Variants in RCOR1 observed in about 807,000 individuals in gnomAD.
RCOR1 encodes the protein REST corepressor 1, also known as REST corepressor.
RCOR1 carries 12 observed loss-of-function variants against 64.0 expected under a neutral mutation model. The observed-to-expected ratio is 0.19, with a 90% CI of 0.12 to 0.30. RCOR1 has a LOEUF of 0.30. RCOR1 is among the 10% of genes least tolerant of loss of function. The pLI is 1.00. For missense variants in RCOR1, 502 were observed against 621.2 expected (o/e 0.81, Z 2.04); for synonymous variants, 279 against 227.2 (o/e 1.23, Z -2.05).
At chr14:102,611,990 A>C (rs753211119) in intron 2 of RCOR1, among the ~76,000 whole-genome samples, 3 of 152,058 alleles carry the variant, frequency 2.0e-5, no homozygotes, top group African/African-American at 4.8e-5. Flanking sequence ...ATTGTTTTAG[A>C]GATAGGGTCT....
At chr14:102,634,988 G>C (rs1255539084) in intron 2 of RCOR1, among the ~76,000 whole-genome samples, 2 of 151,392 alleles carry the variant, frequency 1.3e-5, no homozygotes, top group Non-Finnish European at 2.9e-5. Context: ...GATTACAGGT[G>C]TGAGCCACCA....
chr14:102,702,020 T>A (rs1895766349), intron 4 of RCOR1, among the ~76,000 whole-genome samples: 2 of 152,236 alleles, frequency 1.3e-5, no homozygotes, highest in South Asian at 4.1e-4. Context: ...TCCACAAGAT[T>A]TATTTTTCTG....
At chr14:102,695,082 A>G (rs1280690622) in intron 3 of RCOR1, among the ~76,000 whole-genome samples, 2 of 152,224 alleles carry the variant, frequency 1.3e-5, no homozygotes, top group Admixed American at 6.5e-5. Flanking sequence ...GGGGGAGGGA[A>G]GGGTGAGTTA....
intron 2 of RCOR1, among the ~76,000 whole-genome samples, chr14:102,668,776 CAAAG>C (rs1894970459): frequency 6.6e-6 from 1 of 152,022 alleles, no homozygotes; most frequent in Non-Finnish European, 1.5e-5. Context: ...ATAAAATCCT[CAAAG>C]AAAAAATCTG....
At chr14:102,642,184 C>T (rs10450954) in intron 2 of RCOR1, among the ~76,000 whole-genome samples, 3,564 of 152,078 alleles carry the variant, frequency 0.023, 132 homozygotes, top group African/African-American at 0.077. Context: ...CTTTCAGTTT[C>T]TTACTCTAAT....
At position 102,705,316 on chromosome 14, in the gene RCOR1, G is replaced by A. The variant is rs899736779; in HGVS notation, c.499-2035G>A. ...TTTCACTGGCTGATTTCCGAATCACGTTCTAATTGCTTGGCCCTGCCATGT... is the reference window on the plus strand; with the variant it reads ...TTTCACTGGCTGATTTCCGAATCACATTCTAATTGCTTGGCCCTGCCATGT... On this transcript the variant is annotated intron_variant, in intron 4 of 11. Transcript: ENST00000262241. 5.9e-5 allele frequency among the ~76,000 whole-genome samples: 9 copies of A among 152,070 alleles called. 1 individual carries two copies. Among genetic ancestry groups the A allele is most frequent in the Non-Finnish European group, 1.5e-5 (1 of 68,030 alleles).
intron 2 of RCOR1, among the ~76,000 whole-genome samples, chr14:102,674,673 C>A (rs767158527): frequency 1.2e-4 from 19 of 152,124 alleles, no homozygotes; most frequent in Non-Finnish European, 1.0e-4. Flanking sequence ...TGTGAATAAA[C>A]CTTCTTTCTT....
rs1328960105 is a variant in RCOR1 at position 102,676,958 on chromosome 14, C to T, written c.362-4937C>T. Among the ~76,000 whole-genome samples, 6 of 107,952 alleles carry T rather than the reference C, an allele frequency of 5.6e-5. No individual in the cohort carries two copies. In the East Asian group the frequency reaches 1.6e-3, roughly 29 times the overall value. The allele number at this position is 107,952 out of a possible 152,430, so 70.8% of individuals were successfully genotyped here. A position where few individuals can be genotyped will look rare whatever the true frequency, so the allele number is the denominator to read the frequency against. On this transcript the variant is annotated intron_variant, in intron 2 of 11. Transcript: ENST00000262241. ...GGCGGCTGGCCGGGCAGAGGGGCTC[C>T]TCACTTCCCAGTAGGGGCGGCCGGG... is the stretch of plus-strand genomic sequence containing the variant.
At chr14:102,700,322 A>G (rs949216841) in intron 3 of RCOR1, among the ~76,000 whole-genome samples, 4 of 152,052 alleles carry the variant, frequency 2.6e-5, no homozygotes, top group African/African-American at 9.7e-5. Context: ...CCCGGGTTCA[A>G]GCGATTCTCC....
Position 102,689,077 on chromosome 14 carries a change from A to G in RCOR1, c.445+7099A>G, listed in dbSNP as rs112240239. ...TGTGCTTACGTGTAGACCTACCTCA[A>G]GTTTGGACTTCGTTTGTTTAGAGAA... is the stretch of plus-strand genomic sequence containing the variant. On this transcript the variant is annotated intron_variant, in intron 3 of 11. Coordinates refer to ENST00000262241, the MANE Select transcript of RCOR1 (RefSeq NM_015156.4). Among the ~76,000 whole-genome samples, 1,015 of 152,218 alleles carry G rather than the reference A, an allele frequency of 6.7e-3. 13 individuals are homozygous for G. The highest frequency in any genetic ancestry group is 0.024 in the African/African-American group (979 of 41,516).
intron 4 of RCOR1, among the ~76,000 whole-genome samples, chr14:102,704,114 G>A (rs1410188028): frequency 1.3e-5 from 2 of 152,148 alleles, no homozygotes; most frequent in Non-Finnish European, 2.9e-5. Context: ...CTTTTGCCAG[G>A]GCTTGTTTAC....
intron 2 of RCOR1, among the ~76,000 whole-genome samples, chr14:102,594,690 C>T (rs1282747797): frequency 2.7e-5 from 4 of 148,716 alleles, no homozygotes; most frequent in Admixed American, 2.7e-4. Flanking sequence ...AGTCACTTCT[C>T]GTTTATGAGT....
In RCOR1 at chr14:102,699,143, C is replaced by T. The variant is rs548203339; in HGVS notation, c.446-2135C>T. Among the ~76,000 whole-genome samples the T allele has an allele frequency of 4.6e-5, 7 of 152,310 alleles. No individual in the cohort carries two copies. The East Asian group carries it at 5.8e-4, about 13-fold the overall frequency. On this transcript the variant is annotated intron_variant, in intron 3 of 11. Transcript: ENST00000262241. ...TTCGTGATCCACCTGCTTTAGCCTC[C>T]GGAAATGCTGGGATTACAGGCGTGA...
intron 3 of RCOR1, among the ~76,000 whole-genome samples, chr14:102,693,262 T>A (rs1264273403): frequency 6.6e-6 from 1 of 152,224 alleles, no homozygotes. Context: ...TTTGTATGAC[T>A]ATTTCTCTCT....
intron 2 of RCOR1, among the ~76,000 whole-genome samples, chr14:102,660,515 A>G (rs543534515): frequency 1.4e-4 from 21 of 152,126 alleles, no homozygotes; most frequent in African/African-American, 4.6e-4. Flanking sequence ...TAGCCTCCCA[A>G]GTAGCTGGAA....
intron 6 of RCOR1, 42 bp downstream of exon 6, chr14:102,708,625 T>TCTTAG: frequency 1.8e-6 from 2 of 1,101,828 alleles, no homozygotes; most frequent in Non-Finnish European, 2.7e-6. Context: ...CTTAGGGGAC[T>TCTTAG]ATCTAAGAGC....
chr14:102,714,888 T>C (rs1195318884), intron 8 of RCOR1, among the ~76,000 whole-genome samples: 1 of 152,118 alleles, frequency 6.6e-6, no homozygotes, highest in Admixed American at 6.5e-5. Flanking sequence ...TGTGTCTGTG[T>C]CTCCATGATT....
intron 2 of RCOR1, among the ~76,000 whole-genome samples, chr14:102,600,389 T>G (rs2139878918): frequency 6.6e-6 from 1 of 151,640 alleles, no homozygotes; most frequent in South Asian, 2.1e-4. Context: ...ATTGATTGAT[T>G]GATTTTAGTT....
At chr14:102,647,507 G>A (rs896215189) in intron 2 of RCOR1, among the ~76,000 whole-genome samples, 5 of 151,796 alleles carry the variant, frequency 3.3e-5, no homozygotes, top group Admixed American at 1.3e-4. Context: ...TAGTAGAGAC[G>A]GGGTTTCCCC....
Sources: allele counts gnomAD v4.1 joint callset (sites outside exome capture counted in the v4.1 genomes callset), GRCh38; gene constraint gnomAD v4.1.1; transcripts MANE v1.5; gene names NCBI Gene and HGNC (gene_info 2026-07-23, HGNC 2026-07-21).